CDH18: variants seen among roughly 807,000 people sequenced by gnomAD.
The protein encoded by CDH18 is cadherin-18.
CDH18 carries 31 observed loss-of-function variants against 67.9 expected under a neutral mutation model. That is an observed-to-expected ratio of 0.46 (90% CI 0.34 to 0.62). The LOEUF (loss-of-function observed/expected upper bound fraction) is 0.62, where lower values mean the gene tolerates loss of function less well. Among genes scored for constraint, CDH18 ranks in the 20% least tolerant of loss-of-function variants. The pLI, the probability that CDH18 is intolerant of heterozygous loss-of-function variation, is 0.01. For synonymous variants in CDH18, 362 were observed against 347.2 expected, an observed-to-expected ratio of 1.04 and a Z score of -0.48; for missense variants, 890 against 975.5, an observed-to-expected ratio of 0.91 and a Z score of 1.17.
chr5:20,280,940 G>T (rs1379264689), intron 1 of CDH18, among the ~76,000 whole-genome samples: 4 of 152,142 alleles, frequency 2.6e-5, no homozygotes, highest in African/African-American at 9.7e-5. Flanking sequence ...GTTTTGATTT[G>T]CATTTCTCTG....
At chr5:20,081,845 T>C (rs75007212) in intron 2 of CDH18, among the ~76,000 whole-genome samples, 8,883 of 152,220 alleles carry the variant, frequency 0.058, 286 homozygotes, top group East Asian at 0.14. Flanking sequence ...TATTGGGTAC[T>C]GTGCTGATTA....
At chr5:19,937,557 AACATATAACC>A (rs1324917232) in intron 2 of CDH18, among the ~76,000 whole-genome samples, 3 of 151,424 alleles carry the variant, frequency 2.0e-5, no homozygotes, top group African/African-American at 7.3e-5. Flanking sequence ...AATGCACACA[AACATATAACC>A]ACACATGCAC....
At chr5:20,498,247 G>A (rs1581111036) in intron 1 of CDH18, among the ~76,000 whole-genome samples, 2 of 152,124 alleles carry the variant, frequency 1.3e-5, no homozygotes, top group African/African-American at 4.8e-5. Flanking sequence ...TTTTGTACCA[G>A]CAGTAGTAAT....
At chr5:19,574,392 G>A (rs1040606001) in intron 7 of CDH18, among the ~76,000 whole-genome samples, 3 of 152,166 alleles carry the variant, frequency 2.0e-5, no homozygotes, top group African/African-American at 7.2e-5. Flanking sequence ...AAAAAAATGA[G>A]TAGATTATTT....
intron 2 of CDH18, among the ~76,000 whole-genome samples, chr5:19,951,119 T>C (rs574866003): frequency 6.6e-6 from 1 of 152,262 alleles, no homozygotes; most frequent in East Asian, 1.9e-4. Context: ...GTGGCAGACA[T>C]GAGCACAGAT....
chr5:20,166,258 T>C (rs1736273058), intron 2 of CDH18, among the ~76,000 whole-genome samples: 1 of 151,418 alleles, frequency 6.6e-6, no homozygotes, highest in African/African-American at 2.4e-5. Context: ...CTGGCCAACA[T>C]GGTGAAACCC....
chr5:19,684,178 G>A (rs942053400), intron 5 of CDH18, among the ~76,000 whole-genome samples: 2 of 151,946 alleles, frequency 1.3e-5, no homozygotes, highest in Non-Finnish European at 2.9e-5. Context: ...ATAGACAAAT[G>A]TCTACTATTT....
At position 20,483,706 on chromosome 5, in the gene CDH18, T is replaced by C. The variant is rs146423989; in HGVS notation, c.-580+91756A>G. On this transcript the variant is annotated intron_variant, in intron 1 of 14. Transcript: ENST00000507958. ...GGACACACACATCAATAAATGGTGC[T>C]GGAAAAACTAGATATCCACATGCAG... 2.6e-3 allele frequency among the ~76,000 whole-genome samples: 387 copies of C among 150,048 alleles called. 1 individual carries two copies. Among genetic ancestry groups the C allele is most frequent in the Non-Finnish European group, 4.2e-3 (284 of 67,604 alleles).
chr5:20,301,459 T>A (rs1259665646), intron 1 of CDH18, among the ~76,000 whole-genome samples: 1 of 152,164 alleles, frequency 6.6e-6, no homozygotes, highest in Admixed American at 6.5e-5. Flanking sequence ...GTTGAGAACA[T>A]ACAGTGGCCT....
At chr5:19,589,489 T>C (rs1056445657) in intron 7 of CDH18, among the ~76,000 whole-genome samples, 2 of 152,088 alleles carry the variant, frequency 1.3e-5, no homozygotes, top group African/African-American at 4.8e-5. Flanking sequence ...AATCCTCTTC[T>C]CACCTTTGTA....
intron 8 of CDH18, among the ~76,000 whole-genome samples, chr5:19,568,534 C>T (rs1308748564): frequency 1.3e-5 from 2 of 152,128 alleles, no homozygotes; most frequent in African/African-American, 4.8e-5. Flanking sequence ...TTATAAGCCA[C>T]CAAGACTATG....
At chr5:20,268,044 T>C (rs1745171216) in intron 1 of CDH18, among the ~76,000 whole-genome samples, 1 of 152,230 alleles carries the variant, frequency 6.6e-6, no homozygotes, top group African/African-American at 2.4e-5. Context: ...AATGACAACA[T>C]ACTGCATTTA....
chr5:20,406,133 CAT>C (rs1746227559), intron 1 of CDH18, among the ~76,000 whole-genome samples: 1 of 152,118 alleles, frequency 6.6e-6, no homozygotes, highest in African/African-American at 2.4e-5. Flanking sequence ...CACATGCACA[CAT>C]ATGTTTATTG....
intron 1 of CDH18, among the ~76,000 whole-genome samples, chr5:20,457,411 C>T (rs188549568): frequency 2.0e-5 from 3 of 152,216 alleles, no homozygotes; most frequent in East Asian, 1.9e-4. Context: ...ATTCAATTCT[C>T]CAAAAACTTG....
intron 4 of CDH18, among the ~76,000 whole-genome samples, chr5:19,735,115 A>T (rs2150663601): frequency 6.6e-6 from 1 of 152,248 alleles, no homozygotes. Context: ...GTAGAATATT[A>T]TTGGCTCACT....
chr5:19,836,286 A>G (rs762237246), intron 3 of CDH18, among the ~76,000 whole-genome samples: 1 of 152,202 alleles, frequency 6.6e-6, no homozygotes, highest in Non-Finnish European at 1.5e-5. Flanking sequence ...TCCCACCAAC[A>G]GTGGAAAAGT....
intron 2 of CDH18, among the ~76,000 whole-genome samples, chr5:20,137,880 G>C (rs1749875159): frequency 1.3e-5 from 2 of 152,032 alleles, no homozygotes; most frequent in African/African-American, 4.8e-5. Context: ...AATTCCATCA[G>C]AGGTACAAAG....
chr5:20,436,197 A>T (rs759121789), intron 1 of CDH18, among the ~76,000 whole-genome samples: 1 of 152,010 alleles, frequency 6.6e-6, no homozygotes, highest in Non-Finnish European at 1.5e-5. Context: ...ATTTCACCCT[A>T]CTTCCAGATA....
At chr5:20,499,993 A>G (rs1754154875) in intron 1 of CDH18, among the ~76,000 whole-genome samples, 1 of 152,108 alleles carries the variant, frequency 6.6e-6, no homozygotes, top group Admixed American at 6.6e-5. Context: ...CTGTGATGCC[A>G]TGCAGGTTTT....
Sources: allele counts gnomAD v4.1 joint callset (sites outside exome capture counted in the v4.1 genomes callset), GRCh38; gene constraint gnomAD v4.1.1; transcripts MANE v1.5; gene names NCBI Gene and HGNC (gene_info 2026-07-23, HGNC 2026-07-21).